Variants in TANC2 observed in about 807,000 individuals in gnomAD.
The protein encoded by TANC2 is tetratricopeptide repeat, ankyrin repeat and coiled-coil containing 2.
Under a neutral mutation model 210.5 loss-of-function variants are expected in TANC2, and 26 were observed. The observed-to-expected ratio is 0.12, with a 90% CI of 0.09 to 0.17. TANC2 has a LOEUF of 0.17. Ranked by LOEUF, TANC2 falls within the 10% of genes least tolerant of loss-of-function variation. TANC2 has a pLI of 1.00. For synonymous variants in TANC2, 931 were observed against 967.1 expected, an observed-to-expected ratio of 0.96 and a Z score of 0.69; for missense variants, 2,129 against 2,608.9, an observed-to-expected ratio of 0.82 and a Z score of 4.01.
chr17:62,988,279 C>T (rs959455685), intron 1 of TANC2, among the ~76,000 whole-genome samples: 1 of 150,896 alleles, frequency 6.6e-6, no homozygotes, highest in Non-Finnish European at 1.5e-5. Context: ...AGGCGTGCAC[C>T]ACCACACCTG....
chr17:63,014,156 A>T lies in TANC2; in HGVS notation c.67+4530A>T, dbSNP rs2034003254. On this transcript the variant is annotated intron_variant, in intron 2 of 27. Coordinates refer to ENST00000689528, the Ensembl canonical transcript of TANC2. ...TCAAATCTGCTATCATGTCTACTGA[A>T]TTTTTTTTCAATTATTGAATTTTTC... Among the ~76,000 whole-genome samples, 8 of 151,318 alleles carry T rather than the reference A, an allele frequency of 5.3e-5. No homozygotes were observed. The South Asian group carries it at 1.7e-3, about 32-fold the overall frequency.
intron 10 of TANC2, among the ~76,000 whole-genome samples, chr17:63,316,708 T>C (rs963796863): frequency 4.6e-5 from 7 of 152,218 alleles, no homozygotes; most frequent in African/African-American, 1.7e-4. Context: ...TGTTACCTTA[T>C]ACAAAATAAT....
chr17:63,205,204 C>T (rs1001475448), intron 7 of TANC2, among the ~76,000 whole-genome samples: 9 of 151,696 alleles, frequency 5.9e-5, no homozygotes, highest in African/African-American at 1.5e-4. Context: ...CAACAATTAG[C>T]GTTAGGAAAA....
chr17:62,998,873 CATA>C (rs2033240953), intron 1 of TANC2, among the ~76,000 whole-genome samples: 1 of 152,286 alleles, frequency 6.6e-6, no homozygotes, highest in Non-Finnish European at 1.5e-5. Context: ...CAGCTAATAA[CATA>C]ATGACAGGAT....
At chr17:62,989,096 G>A (rs2032723120) in intron 1 of TANC2, among the ~76,000 whole-genome samples, 1 of 152,036 alleles carries the variant, frequency 6.6e-6, no homozygotes, top group African/African-American at 2.4e-5. Context: ...GTGATACCTA[G>A]CACCTTCTAG....
chr17:63,164,754 T>A (rs986563945), intron 5 of TANC2, among the ~76,000 whole-genome samples: 1 of 152,128 alleles, frequency 6.6e-6, no homozygotes, highest in African/African-American at 2.4e-5. Context: ...CAAGAGAAGA[T>A]AGATGTCACA....
chr17:63,404,661 C>T (rs781575004), intron 19 of TANC2, among the ~76,000 whole-genome samples: 6 of 152,082 alleles, frequency 3.9e-5, no homozygotes, highest in Non-Finnish European at 8.8e-5. Context: ...GTTCTCTAGG[C>T]TTAAGAGCCC....
intron 5 of TANC2, among the ~76,000 whole-genome samples, chr17:63,185,409 A>G (rs149491673): frequency 2.0e-5 from 3 of 152,286 alleles, no homozygotes; most frequent in African/African-American, 4.8e-5. Flanking sequence ...GACATTTTCA[A>G]CTTGGGCTAT....
chr17:63,349,176 G>A (rs919065528), intron 12 of TANC2, among the ~76,000 whole-genome samples: 3 of 151,900 alleles, frequency 2.0e-5, no homozygotes, highest in African/African-American at 7.3e-5. Context: ...AAGGGGGAAG[G>A]CAAGTACCCC....
chr17:63,380,612 TC>T (rs1181613052), intron 15 of TANC2, among the ~76,000 whole-genome samples: 1 of 152,244 alleles, frequency 6.6e-6, no homozygotes, highest in African/African-American at 2.4e-5. Context: ...AGAGTTCCAA[TC>T]CCTACAGCCT....
intron 20 of TANC2, 106 bp from the exon 21 acceptor site, chr17:63,406,048 G>A: frequency 7.0e-7 from 1 of 1,422,092 alleles, no homozygotes; most frequent in Non-Finnish European, 9.6e-7. Flanking sequence ...ATACATGGGT[G>A]ACTCGTACAG....
chr17:62,973,562 G>T (rs952280925), intron 1 of TANC2, among the ~76,000 whole-genome samples: 7 of 152,294 alleles, frequency 4.6e-5, no homozygotes, highest in African/African-American at 1.7e-4. Context: ...TAGGTTTAGA[G>T]AAATATACAC....
chr17:63,194,422 A>T (rs2041277846), intron 6 of TANC2, among the ~76,000 whole-genome samples: 1 of 152,362 alleles, frequency 6.6e-6, no homozygotes, highest in East Asian at 1.9e-4. Flanking sequence ...CAGAATATAC[A>T]TTCTTTTCAA....
chr17:63,059,705 T>C (rs1405312806), intron 2 of TANC2, among the ~76,000 whole-genome samples: 1 of 152,196 alleles, frequency 6.6e-6, no homozygotes, highest in African/African-American at 2.4e-5. Flanking sequence ...TTTTTTGTTT[T>C]CTTTAAACAT....
intron 7 of TANC2, among the ~76,000 whole-genome samples, chr17:63,213,270 A>G (rs926423382): frequency 4.6e-5 from 7 of 152,224 alleles, no homozygotes; most frequent in African/African-American, 9.6e-5. Context: ...CAACTGTGAC[A>G]TGGTACCTAA....
chr17:63,250,193 T>C (rs1286145265), intron 8 of TANC2, among the ~76,000 whole-genome samples: 1 of 152,122 alleles, frequency 6.6e-6, no homozygotes, highest in Non-Finnish European at 1.5e-5. Context: ...AATTTTGTTA[T>C]AGATTTGTTT....
At chr17:63,393,043 A>T (rs536161624) in intron 17 of TANC2, among the ~76,000 whole-genome samples, 18 of 152,196 alleles carry the variant, frequency 1.2e-4, no homozygotes, top group Non-Finnish European at 2.4e-4. Context: ...TTTGCATTAG[A>T]GAATCCAGGT....
chr17:63,200,704 T>A (rs894526319), intron 6 of TANC2, 67 bp from the exon 7 acceptor site: 63 of 1,388,330 alleles, frequency 4.5e-5, no homozygotes, highest in Non-Finnish European at 6.2e-5. Flanking sequence ...AAGCATTTAT[T>A]TTATCTTAAA....
At chr17:63,062,432 G>T (rs377350558) in intron 2 of TANC2, among the ~76,000 whole-genome samples, 1 of 152,100 alleles carries the variant, frequency 6.6e-6, no homozygotes, top group East Asian at 1.9e-4. Context: ...GCATGGAGCC[G>T]TAGCTTGGCA....
Sources: gnomAD v4.1 joint callset for allele counts (sites outside exome capture counted in the v4.1 genomes callset) on GRCh38, gnomAD v4.1.1 for gene constraint, MANE v1.5 for transcripts, NCBI Gene and HGNC (gene_info 2026-07-23, HGNC 2026-07-21) for gene names.